The following MTUS1 variants were observed in gnomAD, a reference collection of about 807,000 sequenced individuals.
MTUS1 encodes the protein microtubule-associated tumor suppressor 1.
A neutral mutation model predicts 120.8 loss-of-function variants in MTUS1; 109 were observed. That is an observed-to-expected ratio of 0.90 (90% confidence interval 0.77 to 1.06). The LOEUF is 1.06. Ranked by LOEUF, MTUS1 falls within the 50% of genes least tolerant of loss-of-function variation. The pLI is 0.00. For missense variants in MTUS1, 2,210 were observed against 1,486.3 expected, an observed-to-expected ratio of 1.49 and a Z score of -8.01; for synonymous variants, 737 against 550.5, an observed-to-expected ratio of 1.34 and a Z score of -4.74.
Position 17,715,917 on chromosome 8 carries a change from A to G in MTUS1, c.2450-16T>C, listed in dbSNP as rs553561171. On this transcript the variant is annotated splice_polypyrimidine_tract_variant and intron_variant, in intron 4 of 14. Transcript: ENST00000693296. ...GCATTACCAGCTGTAATAAAACAGA[A>G]AAGTACATTTTATTGTATAGATAAA... is the stretch of plus-strand genomic sequence containing the variant. 241 of 1,604,580 alleles carry G rather than the reference A, an allele frequency of 1.5e-4. No individual in the cohort carries two copies. In the South Asian group the frequency reaches 2.6e-3, roughly 17 times the overall value.
chr8:17,759,740 G>C (rs1020240105), intron 1 of MTUS1, among the ~76,000 whole-genome samples: 5 of 150,578 alleles, frequency 3.3e-5, no homozygotes, highest in Non-Finnish European at 7.4e-5. Flanking sequence ...ATTTTCCCAT[G>C]TCATTATACT....
chr8:17,743,633 G>A lies in MTUS1; in HGVS notation c.2258C>T (p.Pro753Leu), dbSNP rs373001050. The change falls in exon 3 of 15, where the codon CCT becomes CTT. Residue 753 changes from proline to leucine, a missense_variant. Pro to Leu is a moderately conservative substitution (Grantham distance 98). Coordinates refer to ENST00000693296, the MANE Select transcript of MTUS1 (RefSeq NM_001363059.2). The stretch of plus-strand genomic sequence containing the variant: ...ACTGGACACACGCCTGATCCTCTGA[G>A]GAGATACGGCTCGATCAGCACTGGG... ...RNPSADRAVS[P>L]QRIRRVSSSG... 4 of 1,614,122 alleles carry A rather than the reference G, an allele frequency of 2.5e-6. No individual in the cohort carries two copies. Among genetic ancestry groups the A allele is most frequent in the South Asian group, 2.2e-5 (2 of 91,062 alleles).
At chr8:17,651,591 G>A (rs1807015851) in intron 12 of MTUS1, 1 of 150,312 alleles carries the variant, frequency 6.7e-6, no homozygotes. Context: ...AGAGGGAAAT[G>A]GCATAACTTA....
At chr8:17,692,988 G>T (rs1316874856) in intron 6 of MTUS1, among the ~76,000 whole-genome samples, 1 of 152,192 alleles carries the variant, frequency 6.6e-6, no homozygotes, top group African/African-American at 2.4e-5. Flanking sequence ...TAGCTCAGCA[G>T]AAAGAATTCT....
chr8:17,763,070 C>T (rs1416119125), intron 1 of MTUS1, among the ~76,000 whole-genome samples: 2 of 151,818 alleles, frequency 1.3e-5, no homozygotes, highest in African/African-American at 4.8e-5. Context: ...TGGCTCACTG[C>T]AACCTCCCCC....
At chr8:17,763,836 T>A (rs556475038) in intron 1 of MTUS1, among the ~76,000 whole-genome samples, 1 of 152,306 alleles carries the variant, frequency 6.6e-6, no homozygotes, top group African/African-American at 2.4e-5. Flanking sequence ...TGAGTGGACA[T>A]CATATGTACC....
chr8:17,657,378 C>T (rs1808577136), intron 8 of MTUS1, among the ~76,000 whole-genome samples: 1 of 151,222 alleles, frequency 6.6e-6, no homozygotes, highest in Admixed American at 6.6e-5. Context: ...ACCATCCCGG[C>T]TAAAACGGTG....
At chr8:17,670,976 T>C (rs975425738) in intron 8 of MTUS1, among the ~76,000 whole-genome samples, 42 of 152,148 alleles carry the variant, frequency 2.8e-4, no homozygotes, top group African/African-American at 9.9e-4. Flanking sequence ...AATCAGTGTT[T>C]GCTTCTAGGG....
intron 4 of MTUS1, among the ~76,000 whole-genome samples, chr8:17,720,338 T>G (rs1297965065): frequency 7.0e-6 from 1 of 143,414 alleles, no homozygotes; most frequent in Non-Finnish European, 1.5e-5. Flanking sequence ...AGAGCGAAAC[T>G]CCATCTAAAA....
At chr8:17,657,042 G>C (rs971582140) in intron 8 of MTUS1, among the ~76,000 whole-genome samples, 4 of 116,182 alleles carry the variant, frequency 3.4e-5, no homozygotes, top group Admixed American at 1.1e-4. Context: ...CTGGGCGACA[G>C]AGTGAGATTC....
intron 7 of MTUS1, among the ~76,000 whole-genome samples, chr8:17,679,948 A>C (rs1813997667): frequency 6.6e-6 from 1 of 152,184 alleles, no homozygotes; most frequent in African/African-American, 2.4e-5. Context: ...TCATATGTTC[A>C]CTCACATATA....
chr8:17,710,988 T>C (rs1821163579), intron 6 of MTUS1, among the ~76,000 whole-genome samples: 1 of 152,166 alleles, frequency 6.6e-6, no homozygotes, highest in African/African-American at 2.4e-5. Context: ...AAGACATCTC[T>C]TGAGTTGTAG....
At chr8:17,782,145 T>G (rs1305711666) in intron 1 of MTUS1, among the ~76,000 whole-genome samples, 2 of 152,308 alleles carry the variant, frequency 1.3e-5, no homozygotes, top group East Asian at 3.9e-4. Context: ...TTCAAACAAC[T>G]CAATGATGGG....
intron 6 of MTUS1, chr8:17,691,283 T>C (rs981786465): frequency 1.2e-4 from 19 of 152,240 alleles, no homozygotes; most frequent in African/African-American, 4.6e-4. Context: ...ATCTCACTTT[T>C]AAAAACTTAT....
intron 6 of MTUS1, among the ~76,000 whole-genome samples, chr8:17,696,487 C>G (rs1817995264): frequency 2.0e-5 from 3 of 152,182 alleles, no homozygotes. Context: ...AAAAACACCC[C>G]AGCTAACATA....
At chr8:17,724,705 G>C (rs1015810913) in intron 3 of MTUS1, among the ~76,000 whole-genome samples, 3 of 152,172 alleles carry the variant, frequency 2.0e-5, no homozygotes, top group African/African-American at 7.2e-5. Context: ...CATTTCCCAA[G>C]CCCAGTCTTT....
intron 1 of MTUS1, among the ~76,000 whole-genome samples, chr8:17,768,602 CAT>C (rs1281155445): frequency 2.6e-5 from 4 of 152,028 alleles, no homozygotes; most frequent in Admixed American, 6.6e-5. Context: ...CTCAAAGCCA[CAT>C]GAGGTTTGTA....
intron 4 of MTUS1, among the ~76,000 whole-genome samples, chr8:17,718,422 T>G (rs1019531850): frequency 6.6e-6 from 1 of 152,188 alleles, no homozygotes; most frequent in African/African-American, 2.4e-5. Flanking sequence ...CACCTATCTA[T>G]GAATAACAAG....
chr8:17,683,585 C>G (rs1272642850), intron 7 of MTUS1, among the ~76,000 whole-genome samples: 4 of 152,176 alleles, frequency 2.6e-5, no homozygotes, highest in Non-Finnish European at 5.9e-5. Context: ...AGCCACAGTA[C>G]TGAGCCAGTC....
Sources: gnomAD v4.1 joint callset for allele counts (sites outside exome capture counted in the v4.1 genomes callset) on GRCh38, gnomAD v4.1.1 for gene constraint, MANE v1.5 for transcripts, NCBI Gene and HGNC (gene_info 2026-07-23, HGNC 2026-07-21) for gene names.